KAZN: variants seen among roughly 807,000 people sequenced by gnomAD.
KAZN encodes the protein kazrin.
A neutral mutation model predicts 87.4 loss-of-function variants in KAZN; 40 were observed. The observed-to-expected ratio is 0.46, with a 90% CI of 0.36 to 0.60. KAZN has a LOEUF of 0.60. Among genes scored for constraint, KAZN ranks in the 20% least tolerant of loss-of-function variants. The pLI, the probability that KAZN is intolerant of heterozygous loss-of-function variation, is 0.00. For synonymous variants in KAZN, 466 were observed against 458.3 expected (o/e 1.02, Z -0.22); for missense variants, 898 against 1,073.9 (o/e 0.84, Z 2.29).
intron 1 of KAZN, among the ~76,000 whole-genome samples, chr1:14,052,599 G>T (rs1642385966): frequency 6.6e-6 from 1 of 152,164 alleles, no homozygotes; most frequent in African/African-American, 2.4e-5. Flanking sequence ...GTGCTATGTG[G>T]GGTCAAATGC....
At chr1:14,011,331 C>A (rs538931643) in intron 1 of KAZN, among the ~76,000 whole-genome samples, 78 of 152,314 alleles carry the variant, frequency 5.1e-4, no homozygotes, top group South Asian at 1.9e-3. Flanking sequence ...TTCCACTGTG[C>A]CCAGCTCATG....
At chr1:14,614,537 G>A (rs775400707) in intron 1 of KAZN, among the ~76,000 whole-genome samples, 3 of 152,234 alleles carry the variant, frequency 2.0e-5, no homozygotes, top group Non-Finnish European at 4.4e-5. Flanking sequence ...CCCAGCCTGG[G>A]TGACCATCTG....
intron 2 of KAZN, among the ~76,000 whole-genome samples, chr1:14,417,434 G>A (rs200081158): frequency 3.3e-5 from 5 of 152,162 alleles, no homozygotes; most frequent in African/African-American, 4.8e-5. Flanking sequence ...TTCACAGAAA[G>A]GTGAACTAAG....
At chr1:14,536,074 G>A (rs1420102627) in intron 2 of KAZN, among the ~76,000 whole-genome samples, 2 of 152,128 alleles carry the variant, frequency 1.3e-5, no homozygotes, top group East Asian at 3.9e-4. Flanking sequence ...AGCTGTACAG[G>A]GCCTCTCCAG....
At chr1:14,628,310 G>A (rs1679300022) in intron 1 of KAZN, among the ~76,000 whole-genome samples, 1 of 152,196 alleles carries the variant, frequency 6.6e-6, no homozygotes. Flanking sequence ...CACACCCGCA[G>A]CATATAAGCA....
chr1:15,109,905 T>G (rs1641445726), intron 13 of KAZN, among the ~76,000 whole-genome samples: 1 of 146,350 alleles, frequency 6.8e-6, no homozygotes, highest in African/African-American at 2.5e-5. Context: ...GTATATGTGT[T>G]TGTGTATGTT....
Position 14,599,237 on chromosome 1 carries a change from G to A in KAZN, c.226+14G>A, listed in dbSNP as rs752646366. On this transcript the variant is annotated intron_variant, in intron 1 of 14. Coordinates refer to ENST00000376030, the MANE Select transcript of KAZN (RefSeq NM_201628.3). The surrounding 1 kb of genome is among the most constrained non-coding windows in gnomAD (Gnocchi z 4.4). ...TTGGAGCGCAAGGTAGGATCGCCCC[G>A]GCGCCCAGGGCGGAGGAAGGCGAGC... is the stretch of plus-strand genomic sequence containing the variant. The A allele has an allele frequency of 7.4e-7, 1 of 1,357,780 alleles. No individual in the cohort carries two copies. 84.1% of individuals were successfully genotyped at this position (1,357,780 alleles called of 1,614,324 possible).
chr1:14,804,237 G>A (rs193234059), intron 1 of KAZN, among the ~76,000 whole-genome samples: 40 of 152,320 alleles, frequency 2.6e-4, no homozygotes, highest in Non-Finnish European at 3.1e-4. Context: ...GGAAACAAAC[G>A]TAAGCAAAGT....
At chr1:14,430,309 G>A (rs1429610876) in intron 2 of KAZN, among the ~76,000 whole-genome samples, 1 of 149,954 alleles carries the variant, frequency 6.7e-6, no homozygotes, top group African/African-American at 2.5e-5. Flanking sequence ...CATGTTTGCT[G>A]TGTGTGTGTT....
At chr1:14,371,976 A>G (rs968725062) in intron 2 of KAZN, among the ~76,000 whole-genome samples, 1 of 152,244 alleles carries the variant, frequency 6.6e-6, no homozygotes, top group Non-Finnish European at 1.5e-5. Flanking sequence ...AAACTGGCAG[A>G]GAATCTTTCT....
chr1:14,434,075 C>G (rs145125796), intron 2 of KAZN, among the ~76,000 whole-genome samples: 308 of 152,324 alleles, frequency 2.0e-3, no homozygotes, highest in African/African-American at 5.8e-3. Flanking sequence ...GCCACCGGTG[C>G]ATGGTATTTT....
At chr1:14,958,382 ATACATGGAGCACTTCCTGTG>A (rs1261601408) in intron 1 of KAZN, among the ~76,000 whole-genome samples, 3 of 102,254 alleles carry the variant, frequency 2.9e-5, no homozygotes, top group South Asian at 2.8e-4. Flanking sequence ...CACTTCTTAT[ATACATGGAGCACTTCCTGTG>A]TACATGGAGC....
chr1:14,810,121 A>G (rs1244556046), intron 1 of KAZN, among the ~76,000 whole-genome samples: 2 of 152,154 alleles, frequency 1.3e-5, no homozygotes, highest in Non-Finnish European at 2.9e-5. Flanking sequence ...TTAATTATCA[A>G]TGATAATCAC....
chr1:14,827,905 G>A (rs1326083862), intron 1 of KAZN, among the ~76,000 whole-genome samples: 5 of 152,322 alleles, frequency 3.3e-5, no homozygotes, highest in South Asian at 2.1e-4. Context: ...ATAGACTGGG[G>A]TTTCTTTTAT....
chr1:14,978,738 TG>T (rs34773984), intron 2 of KAZN, among the ~76,000 whole-genome samples: 7,310 of 151,882 alleles, frequency 0.048, 592 homozygotes, highest in African/African-American at 0.17. Flanking sequence ...TCCTGGAAGA[TG>T]GGGGGCTTTG....
At chr1:14,130,365 C>A (rs929421676) in intron 1 of KAZN, among the ~76,000 whole-genome samples, 1 of 152,130 alleles carries the variant, frequency 6.6e-6, no homozygotes, top group Non-Finnish European at 1.5e-5. Flanking sequence ...GGTTGAACAT[C>A]TTTCTTCAAA....
chr1:14,897,484 T>C lies in KAZN; in HGVS notation c.227-63200T>C, dbSNP rs1487211394. ...AATAAGCTTTGGTTTATGTGAATTA[T>C]ATTTATCAATACTTAACATTTTAGA... On this transcript the variant is annotated intron_variant, in intron 1 of 14. Transcript: ENST00000376030. Among the ~76,000 whole-genome samples the C allele has an allele frequency of 2.6e-5, 4 of 152,364 alleles. No homozygotes were observed. In the South Asian group the frequency reaches 6.2e-4, roughly 24 times the overall value.
chr1:14,448,501 C>A (rs1667104310), intron 2 of KAZN, among the ~76,000 whole-genome samples: 1 of 152,238 alleles, frequency 6.6e-6, no homozygotes, highest in South Asian at 2.1e-4. Context: ...TATTGCTGGA[C>A]TCTTTCTTCC....
intron 1 of KAZN, among the ~76,000 whole-genome samples, chr1:14,122,847 T>G (rs1362227120): frequency 5.1e-4 from 78 of 152,326 alleles, no homozygotes; most frequent in Admixed American, 5.1e-3. Flanking sequence ...AAAATGTACC[T>G]GTATTATGTT....
Sources: allele counts gnomAD v4.1 joint callset (sites outside exome capture counted in the v4.1 genomes callset), GRCh38; gene constraint gnomAD v4.1.1; non-coding constraint Gnocchi (gnomAD v3.1); transcripts MANE v1.5; gene names NCBI Gene and HGNC (gene_info 2026-07-23, HGNC 2026-07-21).